GALNT13: variants seen among roughly 807,000 people sequenced by gnomAD.
GALNT13 encodes polypeptide N-acetylgalactosaminyltransferase 13.
In GALNT13, 28 loss-of-function variants were observed where a neutral mutation model predicts 64.2. The observed-to-expected ratio is 0.44, with a 90% CI of 0.32 to 0.60. GALNT13 has a LOEUF of 0.60. Among genes scored for constraint, GALNT13 ranks in the 20% least tolerant of loss-of-function variants. GALNT13 has a pLI of 0.05. For synonymous variants in GALNT13, 214 were observed against 224.6 expected (o/e 0.95, Z 0.42); for missense variants, 577 against 669.8 (o/e 0.86, Z 1.53).
the GALNT13 span, among the ~76,000 whole-genome samples, chr2:153,095,873 C>T: frequency 6.6e-6 from 1 of 151,956 alleles, no homozygotes; most frequent in African/African-American, 2.4e-5. Context: ...ACATCACACA[C>T]CGGGGCCTGT....
chr2:153,768,258 A>G, the GALNT13 span, among the ~76,000 whole-genome samples: 653 of 152,324 alleles, frequency 4.3e-3, 5 homozygotes, highest in African/African-American at 0.014. Flanking sequence ...AAAAGAACGT[A>G]TATTCTGTGG....
At chr2:153,919,928 TA>T (rs1364218741) in intron 2 of GALNT13, among the ~76,000 whole-genome samples, 1 of 149,616 alleles carries the variant, frequency 6.7e-6, no homozygotes, top group African/African-American at 2.4e-5. Context: ...TGAATGTGTA[TA>T]GGGGTTGGAC....
the GALNT13 span, among the ~76,000 whole-genome samples, chr2:153,795,419 C>G: frequency 6.6e-6 from 1 of 151,990 alleles, no homozygotes; most frequent in Admixed American, 6.6e-5. Flanking sequence ...GCTGAATTAC[C>G]GGACCTTGGA....
intron 3 of GALNT13, among the ~76,000 whole-genome samples, chr2:154,091,735 G>A (rs1436082515): frequency 6.6e-6 from 1 of 151,774 alleles, no homozygotes; most frequent in African/African-American, 2.4e-5. Context: ...TTCAGAATCA[G>A]TCATTTCTGT....
chr2:153,666,188 G>C, the GALNT13 span, among the ~76,000 whole-genome samples: 1 of 152,000 alleles, frequency 6.6e-6, no homozygotes, highest in African/African-American at 2.4e-5. Context: ...ATCCATCAGA[G>C]AGCTTCTGCA....
the GALNT13 span, among the ~76,000 whole-genome samples, chr2:153,202,561 C>T: frequency 6.6e-6 from 1 of 152,204 alleles, no homozygotes; most frequent in Non-Finnish European, 1.5e-5. Context: ...AACCTGGCCT[C>T]AGTCCTGACA....
the GALNT13 span, among the ~76,000 whole-genome samples, chr2:153,218,463 A>T: frequency 6.6e-6 from 1 of 152,142 alleles, no homozygotes; most frequent in Admixed American, 6.5e-5. Flanking sequence ...AGTTTTTACC[A>T]GTGCCCTAAG....
chr2:154,172,335 T>C (rs1573804193), intron 4 of GALNT13, among the ~76,000 whole-genome samples: 1 of 152,000 alleles, frequency 6.6e-6, no homozygotes, highest in East Asian at 1.9e-4. Context: ...TGAAATCTAC[T>C]ATACATTATT....
the GALNT13 span, among the ~76,000 whole-genome samples, chr2:153,509,102 G>A: frequency 0.085 from 12,948 of 152,284 alleles, 571 homozygotes; most frequent in South Asian, 0.16. Flanking sequence ...GTGATTACCC[G>A]TCCAGGAAGA....
chr2:153,409,347 C>CATATGTATATGTATATATTG, the GALNT13 span, among the ~76,000 whole-genome samples: 1 of 141,860 alleles, frequency 7.0e-6, no homozygotes, highest in African/African-American at 2.6e-5. Context: ...TGTATATATT[C>CATATGTATATGTATATATTG]ATATGTATAT....
At chr2:153,191,180 T>TCCCATTCAG in the GALNT13 span, among the ~76,000 whole-genome samples, 3 of 152,112 alleles carry the variant, frequency 2.0e-5, no homozygotes, top group South Asian at 6.2e-4. Flanking sequence ...TCTAGCTTTT[T>TCCCATTCAG]CCCATTCAGT....
chr2:153,987,250 G>C (rs1208392824), intron 3 of GALNT13, among the ~76,000 whole-genome samples: 2 of 151,902 alleles, frequency 1.3e-5, no homozygotes, highest in Admixed American at 6.6e-5. Context: ...TCTGTGGGAA[G>C]AAGAATTGGC....
At chr2:153,680,744 G>A in the GALNT13 span, among the ~76,000 whole-genome samples, 3 of 151,860 alleles carry the variant, frequency 2.0e-5, no homozygotes, top group African/African-American at 7.2e-5. Context: ...CATTCAGTAT[G>A]TTCCTGTGCC....
At chr2:154,244,158 C>T (rs144465631) in intron 6 of GALNT13, among the ~76,000 whole-genome samples, 20 of 151,798 alleles carry the variant, frequency 1.3e-4, no homozygotes, top group Admixed American at 3.9e-4. Flanking sequence ...TGTTTCAATA[C>T]GGTCATACAT....
the GALNT13 span, among the ~76,000 whole-genome samples, chr2:153,780,240 T>TATATATATATATATGC: frequency 5.1e-5 from 1 of 19,458 alleles, no homozygotes; most frequent in Admixed American, 1.0e-3. Context: ...TATATATATA[T>TATATATATATATATGC]ATATATATAT....
chr2:153,661,224 A>G, the GALNT13 span, among the ~76,000 whole-genome samples: 2 of 152,234 alleles, frequency 1.3e-5, no homozygotes, highest in African/African-American at 4.8e-5. Flanking sequence ...ATCACGGAAT[A>G]TTATCTTGGC....
chr2:154,091,283 T>C (rs916068844), intron 3 of GALNT13, among the ~76,000 whole-genome samples: 1 of 151,976 alleles, frequency 6.6e-6, no homozygotes, highest in East Asian at 1.9e-4. Context: ...TGTATAGCCA[T>C]ATAAGGAAAT....
At chr2:153,448,092 A>C in the GALNT13 span, among the ~76,000 whole-genome samples, 616 of 152,352 alleles carry the variant, frequency 4.0e-3, 4 homozygotes, top group Non-Finnish European at 5.4e-3. Flanking sequence ...CAGAATTTTA[A>C]CTGTAAATGA....
the GALNT13 span, among the ~76,000 whole-genome samples, chr2:153,253,043 C>T: frequency 1.9e-4 from 29 of 151,686 alleles, no homozygotes; most frequent in African/African-American, 7.1e-4. Flanking sequence ...GGCATTGAAT[C>T]TGTAAATTAC....
Sources: gnomAD v4.1 joint callset for allele counts (sites outside exome capture counted in the v4.1 genomes callset) on GRCh38, gnomAD v4.1.1 for gene constraint, MANE v1.5 for transcripts, NCBI Gene and HGNC (gene_info 2026-07-23, HGNC 2026-07-21) for gene names.